The following APC variants were observed in gnomAD, a reference collection of about 807,000 sequenced individuals.
APC encodes the protein APC regulator of Wnt signaling pathway, also known as adenomatous polyposis coli protein.
APC carries 72 observed loss-of-function variants against 247.0 expected under a neutral mutation model. That is an observed-to-expected ratio of 0.29 (90% CI 0.24 to 0.35). APC has a LOEUF of 0.35. Among genes scored for constraint, APC ranks in the 10% least tolerant of loss-of-function variants. APC has a pLI of 1.00. For synonymous variants in APC, 1,254 were observed against 1,162.5 expected, an observed-to-expected ratio of 1.08 and a Z score of -1.60; for missense variants, 3,400 against 3,360.7, an observed-to-expected ratio of 1.01 and a Z score of -0.29.
At chr5:112,713,743 G>T (rs1177615461) in intron 1 of APC, among the ~76,000 whole-genome samples, 1 of 152,104 alleles carries the variant, frequency 6.6e-6, no homozygotes, top group African/African-American at 2.4e-5. Flanking sequence ...TCTCAGCTCA[G>T]TGCAACCTCT....
rs549689234 is a variant in APC at position 112,786,462 on chromosome 5, C to G, written c.645+5559C>G. On this transcript the variant is annotated intron_variant, in intron 6 of 15. Coordinates refer to ENST00000257430, the MANE Select transcript of APC (RefSeq NM_000038.6). ...ACTTGTTCAGTGTGTATTTGGTCACCTAGTATGGTGGTACTTACCCTTCCA... is the reference window on the plus strand; with the variant it reads ...ACTTGTTCAGTGTGTATTTGGTCACGTAGTATGGTGGTACTTACCCTTCCA... Among the ~76,000 whole-genome samples the G allele has an allele frequency of 6.6e-5, 10 of 152,244 alleles. No homozygotes were observed. The East Asian group carries it at 1.9e-3, about 29-fold the overall frequency.
rs180980861 is a variant in APC at position 112,795,062 on chromosome 5, T to C, written c.729+2533T>C. ...TTTTGTTTGAGACAGAGTCTCGCTC[T>C]GTAGCCCAGGCTGGAGTGCAGTGGC... On this transcript the variant is annotated intron_variant, in intron 7 of 15. Transcript: ENST00000257430. Among the ~76,000 whole-genome samples, 183 of 152,324 alleles carry C rather than the reference T, an allele frequency of 1.2e-3. 1 individual carries two copies. Among genetic ancestry groups the C allele is most frequent in the African/African-American group, 4.3e-3 (180 of 41,582 alleles).
chr5:112,815,383 A>G, intron 8 of APC, 112 bp from the exon 9 acceptor site: 1 of 727,836 alleles, frequency 1.4e-6, no homozygotes, highest in East Asian at 2.9e-5. Flanking sequence ...TACTTTTATG[A>G]TGTATTTAAT....
intron 7 of APC, among the ~76,000 whole-genome samples, chr5:112,792,830 A>G (rs1759781634): frequency 6.6e-6 from 1 of 152,300 alleles, no homozygotes; most frequent in Non-Finnish European, 1.5e-5. Context: ...AAACTTTTTT[A>G]TAGATAATCC....
intron 2 of APC, 146 bp downstream of exon 2, chr5:112,755,171 A>G (rs2149739970): frequency 8.6e-7 from 1 of 1,159,002 alleles, no homozygotes. Context: ...GTTAGCATTT[A>G]TATTTTTAAA....
intron 1 of APC, among the ~76,000 whole-genome samples, chr5:112,717,120 C>T (rs768898843): frequency 1.3e-5 from 2 of 152,116 alleles, no homozygotes; most frequent in South Asian, 2.1e-4. Flanking sequence ...AAGCAATTCT[C>T]GTGCCTCAGC....
chr5:112,762,081 G>C (rs1045923098), intron 2 of APC, among the ~76,000 whole-genome samples: 6 of 152,102 alleles, frequency 3.9e-5, no homozygotes, highest in Admixed American at 3.3e-4. Context: ...TTTAAAATGT[G>C]ACCCAGGGAC....
chr5:112,836,343 G>GT (rs1392844707), intron 15 of APC, among the ~76,000 whole-genome samples: 1 of 151,994 alleles, frequency 6.6e-6, no homozygotes, highest in East Asian at 1.9e-4. Flanking sequence ...AAATATGGTT[G>GT]TTTTTTATAG....
At position 112,841,349 on chromosome 5, in the gene APC, A is replaced by G. The variant is rs1554086959; in HGVS notation, c.5755A>G (p.Asn1919Asp). The change falls in exon 16 of 16, where the codon AAT becomes GAT. Residue 1919 changes from asparagine to aspartate, a missense_variant. Physicochemically the swap from Asn to Asp is conservative, Grantham distance 23 (BLOSUM62 1). This residue lies in a region of APC where 1,788 missense variants were observed against 1,649.5 expected (regional missense o/e 1.08). Transcript: ENST00000257430. The surrounding 1 kb of genome is among the most constrained non-coding windows in gnomAD (Gnocchi z 4.6). ...ACAAGCTATTGCAAAGCAGCCAATA[A>G]ATCGAGGTCAGCCTAAACCCATACT... Reference protein sequence around the residue: ...KTQAIAKQPINRGQPKPILQK... With the variant: ...KTQAIAKQPIDRGQPKPILQK... The G allele has an allele frequency of 6.2e-7, 1 of 1,613,928 alleles. No individual in the cohort carries two copies. Among genetic ancestry groups the G allele is most frequent in the South Asian group, 1.1e-5 (1 of 91,084 alleles).
At chr5:112,818,885 T>A (rs2149777767) in intron 9 of APC, 81 bp from the exon 10 acceptor site, 2 of 1,206,204 alleles carry the variant, frequency 1.7e-6, no homozygotes, top group Non-Finnish European at 2.4e-6. Flanking sequence ...TTATAGTAAA[T>A]ATCCCATTCA....
At chr5:112,751,757 A>C (rs554613088) in intron 1 of APC, among the ~76,000 whole-genome samples, 1 of 151,892 alleles carries the variant, frequency 6.6e-6, no homozygotes, top group African/African-American at 2.4e-5. Context: ...TTCCCTTTCT[A>C]ATTTTTTTCT....
chr5:112,764,822 A>G (rs1756092256), intron 2 of APC, among the ~76,000 whole-genome samples: 1 of 152,226 alleles, frequency 6.6e-6, no homozygotes, highest in Admixed American at 6.5e-5. Context: ...AATCACAGGT[A>G]GTCTCCAATG....
intron 1 of APC, among the ~76,000 whole-genome samples, chr5:112,726,163 T>C (rs550167228): frequency 2.6e-5 from 4 of 152,330 alleles, no homozygotes; most frequent in East Asian, 3.9e-4. Context: ...CAAGTGGGCA[T>C]GTGTTACAGT....
chr5:112,754,300 T>A (rs1754709469), intron 1 of APC, among the ~76,000 whole-genome samples: 1 of 152,226 alleles, frequency 6.6e-6, no homozygotes, highest in Non-Finnish European at 1.5e-5. Context: ...CATTTAATGC[T>A]CTCCTTCATG....
chr5:112,781,775 T>A (rs983626524), intron 6 of APC, among the ~76,000 whole-genome samples: 3 of 152,038 alleles, frequency 2.0e-5, no homozygotes, highest in Admixed American at 6.5e-5. Flanking sequence ...TTTTTTTTTT[T>A]TTTCTTGAGT....
At position 112,840,141 on chromosome 5, in the gene APC, T is replaced by C; in HGVS notation, c.4547T>C (p.Ile1516Thr). The change falls in exon 16 of 16, where the codon ATA becomes ACA. Residue 1516 changes from isoleucine to threonine, a missense_variant. Ile to Thr is a moderately conservative substitution (Grantham distance 89, BLOSUM62 -1). This residue lies in a region of APC where 1,788 missense variants were observed against 1,649.5 expected (regional missense o/e 1.08). Transcript: ENST00000257430. This position sits in a 1 kb window ranked among gnomAD's most constrained non-coding sequence, Gnocchi z 4.1. The stretch of plus-strand genomic sequence containing the variant: ...GCTCTGAGCCTCGATGAGCCATTTA[T>C]ACAGAAAGATGTGGAATTAAGAATA... ...LSALSLDEPF[I>T]QKDVELRIMP... The C allele has an allele frequency of 6.2e-7, 1 of 1,614,082 alleles. No homozygotes were observed. The highest frequency in any genetic ancestry group is 1.7e-5 in the Admixed American group (1 of 60,016).
At position 112,843,927 on chromosome 5, in the gene APC, C is replaced by G. The variant is rs1554089067; in HGVS notation, c.8333C>G (p.Ala2778Gly). The G allele has an allele frequency of 6.2e-7, 1 of 1,611,886 alleles. No individual in the cohort carries two copies. The highest frequency in any genetic ancestry group is 1.3e-5 in the African/African-American group (1 of 74,952). ...CACAGTTCACCTAGTGGGACTGTTG[C>G]TGCCAGAGTGACTCCTTTTAATTAC... is the stretch of plus-strand genomic sequence containing the variant. ...SKHSSPSGTV[A>G]ARVTPFNYNP... is the part of the protein sequence containing the mutation. The change falls in exon 16 of 16, where the codon GCT (alanine) becomes GGT (glycine). Residue 2778 changes from alanine (A) to glycine (G), a missense_variant. Ala to Gly is a moderately conservative substitution (Grantham distance 60). Transcript: ENST00000257430. The surrounding 1 kb of genome is among the most constrained non-coding windows in gnomAD (Gnocchi z 4.8).
Position 112,837,927 on chromosome 5 carries a change from A to G in APC, c.2333A>G (p.Asn778Ser), listed in dbSNP as rs753274177. 6.2e-7 allele frequency: 1 copy of G among 1,614,126 alleles called. No individual in the cohort carries two copies. Among genetic ancestry groups the G allele is most frequent in the South Asian group, 1.1e-5 (1 of 91,084 alleles). The change falls in exon 16 of 16, where the codon AAT becomes AGT. Residue 778 changes from asparagine to serine, a missense_variant. Physicochemically the swap from Asn to Ser is conservative, Grantham distance 46. This residue lies in a region of APC where 91 missense variants were observed against 103.3 expected (regional missense o/e 0.88). Transcript: ENST00000257430. Reference sequence around the variant, plus strand: ...TCAGAAACTTTTGACAATATAGACAATTTAAGTCCCAAGGCATCTCATCGT... The same window carrying G: ...TCAGAAACTTTTGACAATATAGACAGTTTAAGTCCCAAGGCATCTCATCGT... Reference protein sequence around the residue: ...HLSETFDNIDNLSPKASHRSK... With the variant: ...HLSETFDNIDSLSPKASHRSK...
rs80012665 is a variant in APC, at chr5:112,836,177, C to T, written c.1958+1012C>T. ...CTGGGATTACAGGTCCCCCCCCCCC[C>T]CCGCCACCGTGCCCGGCTAATTTTT... On this transcript the variant is annotated intron_variant, in intron 15 of 15. Coordinates refer to ENST00000257430, the MANE Select transcript of APC (RefSeq NM_000038.6). Among the ~76,000 whole-genome samples, 102 of 88,146 alleles carry T rather than the reference C, an allele frequency of 1.2e-3. 8 individuals are homozygous for T. Among genetic ancestry groups the T allele is most frequent in the South Asian group, 9.2e-3 (12 of 1,300 alleles). 57.8% of individuals were successfully genotyped at this position (88,146 alleles called of 152,430 possible). A position where few individuals can be genotyped will look rare whatever the true frequency, so the allele number is the denominator to read the frequency against.
Sources: gnomAD v4.1 joint callset for allele counts (sites outside exome capture counted in the v4.1 genomes callset) on GRCh38, gnomAD v4.1.1 for gene constraint, gnomAD v4.1.1 regional missense constraint, Gnocchi (gnomAD v3.1) non-coding constraint, MANE v1.5 for transcripts, NCBI Gene and HGNC (gene_info 2026-07-23, HGNC 2026-07-21) for gene names.